Variants in EEA1 observed in about 807,000 individuals in gnomAD.
EEA1 encodes early endosome antigen 1, also known as early endosome antigen 1, 162kD.
EEA1 carries 111 observed loss-of-function variants against 209.2 expected under a neutral mutation model. That is an observed-to-expected ratio of 0.53 (90% confidence interval 0.45 to 0.62). The LOEUF (loss-of-function observed/expected upper bound fraction) is 0.62, where lower values mean the gene tolerates loss of function less well. Ranked by LOEUF, EEA1 falls within the 20% of genes least tolerant of loss-of-function variation. The pLI is 0.00. For synonymous variants in EEA1, 536 were observed against 540.6 expected (o/e 0.99, Z 0.12); for missense variants, 1,343 against 1,530.8 (o/e 0.88, Z 2.05).
At chr12:92,854,891 A>G (rs1877798831) in intron 5 of EEA1, among the ~76,000 whole-genome samples, 1 of 152,158 alleles carries the variant, frequency 6.6e-6, no homozygotes, top group African/African-American at 2.4e-5. Context: ...GAACTCACCC[A>G]CTATATGGTT....
At chr12:92,866,608 C>G (rs1336441568) in intron 2 of EEA1, among the ~76,000 whole-genome samples, 1 of 152,016 alleles carries the variant, frequency 6.6e-6, no homozygotes, top group Admixed American at 6.6e-5. Context: ...TCCTCCTCTT[C>G]TGACTCAGCA....
chr12:92,851,161 T>G lies in EEA1; in HGVS notation c.748A>C (p.Lys250Gln), dbSNP rs1877613596. The G allele has an allele frequency of 6.2e-7, 1 of 1,613,802 alleles. No homozygotes were observed. The highest frequency in any genetic ancestry group is 8.5e-7 in the Non-Finnish European group (1 of 1,179,936). The change falls in exon 9 of 29, where the codon AAA becomes CAA. Residue 250 changes from lysine to glutamine, a missense_variant. Coordinates refer to ENST00000322349, the MANE Select transcript of EEA1 (RefSeq NM_003566.4). ...AATTTTTTGCATTCATCTTTGAGTT[T>G]TTCAGATTCTCGCTCACGTTCCAAG... ...MTLERERESEKLKDECKKLQS... is the reference protein window; with the variant it reads ...MTLERERESEQLKDECKKLQS...
At chr12:92,822,444 ACTT>A (rs901839916) in intron 13 of EEA1, among the ~76,000 whole-genome samples, 19 of 152,276 alleles carry the variant, frequency 1.2e-4, no homozygotes, top group Non-Finnish European at 2.1e-4. Flanking sequence ...TTATCAATTT[ACTT>A]CTTAATTGCT....
chr12:92,899,563 G>T (rs56914942), intron 1 of EEA1, among the ~76,000 whole-genome samples: 2,833 of 152,338 alleles, frequency 0.019, 96 homozygotes, highest in African/African-American at 0.063. Context: ...GGCTGGATTT[G>T]ACATTCCTGA....
At chr12:92,927,612 C>A (rs561785900) in intron 1 of EEA1, among the ~76,000 whole-genome samples, 2 of 152,290 alleles carry the variant, frequency 1.3e-5, no homozygotes, top group African/African-American at 4.8e-5. Flanking sequence ...AAACCACAGG[C>A]AAACTAATTT....
At chr12:92,850,365 T>C (rs528361641) in intron 9 of EEA1, among the ~76,000 whole-genome samples, 7 of 152,294 alleles carry the variant, frequency 4.6e-5, no homozygotes, top group Admixed American at 4.6e-4. Context: ...AAGACTTCTT[T>C]CAAATTCATA....
At chr12:92,898,731 CTTTTTTTTTTTTT>C (rs772593153) in intron 1 of EEA1, among the ~76,000 whole-genome samples, 2 of 76,110 alleles carry the variant, frequency 2.6e-5, no homozygotes, top group East Asian at 5.6e-4. Flanking sequence ...CTTTTTTTCC[CTTTTTTTTTTTTT>C]TTTTTTTTTT....
Position 92,920,935 on chromosome 12 carries a change from G to A in EEA1, c.24+8108C>T, listed in dbSNP as rs1188484854. Among the ~76,000 whole-genome samples the A allele has an allele frequency of 2.8e-3, 428 of 151,634 alleles. 4 individuals carry two copies. The highest frequency in any genetic ancestry group is 1.2e-3 in the Non-Finnish European group (82 of 67,740). ...CAAACAACCCCATCAAAAAGTGGGC[G>A]AAGGACATGAACAAACACTTCTCAA... is the stretch of plus-strand genomic sequence containing the variant. On this transcript the variant is annotated intron_variant, in intron 1 of 28. Coordinates refer to ENST00000322349, the MANE Select transcript of EEA1 (RefSeq NM_003566.4).
At chr12:92,815,447 T>A (rs923399519) in intron 15 of EEA1, among the ~76,000 whole-genome samples, 1 of 152,166 alleles carries the variant, frequency 6.6e-6, no homozygotes, top group African/African-American at 2.4e-5. Context: ...AATAATTTTT[T>A]AAAAAAGAAA....
Position 92,787,992 on chromosome 12 carries a change from C to A in EEA1, c.3025G>T (p.Ala1009Ser), listed in dbSNP as rs61756482. ...AATACTGATATTTTCTCTTTCTCTG[C>A]TGCAAGTTCCTGGGCTGCCTGTGTT... is the stretch of plus-strand genomic sequence containing the variant. Reference protein sequence around the residue: ...QLTQAAQELAAEKEKISVLQN... With the variant: ...QLTQAAQELASEKEKISVLQN... Residue 1009 changes from alanine to serine, a missense_variant, in exon 22 of 29, where the codon GCA becomes TCA. Coordinates refer to ENST00000322349, the MANE Select transcript of EEA1 (RefSeq NM_003566.4). 51,843 of 1,611,710 alleles carry A rather than the reference C, an allele frequency of 0.032. 1,034 individuals are homozygous for A. The highest frequency in any genetic ancestry group is 0.036 in the Non-Finnish European group (42,724 of 1,178,854).
chr12:92,870,694 C>T (rs897009000), intron 2 of EEA1, among the ~76,000 whole-genome samples: 8 of 151,208 alleles, frequency 5.3e-5, no homozygotes, highest in South Asian at 2.1e-4. Context: ...GGGGCAGGGA[C>T]GGGACAGAGT....
At chr12:92,806,102 A>C (rs1410409238) in intron 18 of EEA1, among the ~76,000 whole-genome samples, 1 of 152,226 alleles carries the variant, frequency 6.6e-6, no homozygotes, top group African/African-American at 2.4e-5. Context: ...AAATGTAGAC[A>C]GACACAGTGA....
At chr12:92,895,793 G>A (rs1879854340) in intron 1 of EEA1, among the ~76,000 whole-genome samples, 2 of 152,088 alleles carry the variant, frequency 1.3e-5, no homozygotes, top group South Asian at 4.1e-4. Flanking sequence ...TTCTAGATGT[G>A]ATTAAGAACA....
chr12:92,908,629 CAG>C (rs1880466700), intron 1 of EEA1, among the ~76,000 whole-genome samples: 1 of 151,342 alleles, frequency 6.6e-6, no homozygotes, highest in African/African-American at 2.4e-5. Context: ...AAAAAAGAAA[CAG>C]TAAAATTAAT....
At chr12:92,837,798 C>T (rs2136698033) in intron 10 of EEA1, among the ~76,000 whole-genome samples, 1 of 152,288 alleles carries the variant, frequency 6.6e-6, no homozygotes. Context: ...TGTTACCTAT[C>T]CACGTTGATA....
chr12:92,849,373 T>A (rs770326529), intron 9 of EEA1, among the ~76,000 whole-genome samples: 2 of 152,210 alleles, frequency 1.3e-5, no homozygotes, highest in Non-Finnish European at 2.9e-5. Flanking sequence ...ATTTTGACAT[T>A]AACATCTGAA....
rs2136797942 is a variant in EEA1, at chr12:92,929,077, C to T, written c.-11G>A. Reference sequence around the variant, plus strand: ...AATCCTCCTTAACATGGTTTAACCACCACCCGGCGCCGCCGCGGTGACTCT... The same window carrying T: ...AATCCTCCTTAACATGGTTTAACCATCACCCGGCGCCGCCGCGGTGACTCT... On this transcript the variant is annotated 5_prime_UTR_variant, in exon 1 of 29. It adds an upstream start codon to the 5' untranslated region. Transcript: ENST00000322349. 1 of 1,589,444 alleles carries T rather than the reference C, an allele frequency of 6.3e-7. No homozygotes were observed. Among genetic ancestry groups the T allele is most frequent in the Non-Finnish European group, 8.6e-7 (1 of 1,168,824 alleles).
intron 1 of EEA1, among the ~76,000 whole-genome samples, chr12:92,916,352 T>C (rs1307726317): frequency 6.6e-6 from 1 of 151,920 alleles, no homozygotes; most frequent in Non-Finnish European, 1.5e-5. Context: ...TCATGGACTG[T>C]GAAACAAACT....
At chr12:92,782,609 A>G (rs1367763761) in intron 22 of EEA1, among the ~76,000 whole-genome samples, 1 of 152,250 alleles carries the variant, frequency 6.6e-6, no homozygotes, top group Non-Finnish European at 1.5e-5. Flanking sequence ...ATGTCCCTTG[A>G]CATGCTAAAA....
Sources: gnomAD v4.1 joint callset for allele counts (sites outside exome capture counted in the v4.1 genomes callset) on GRCh38, gnomAD v4.1.1 for gene constraint, MANE v1.5 for transcripts, NCBI Gene and HGNC (gene_info 2026-07-23, HGNC 2026-07-21) for gene names.